CIAPIN1: variants seen among roughly 807,000 people sequenced by gnomAD.
CIAPIN1 encodes cytokine induced apoptosis inhibitor 1.
A neutral mutation model predicts 34.3 loss-of-function variants in CIAPIN1; 18 were observed. The ratio of observed to expected loss-of-function variants is 0.52; its 90% CI spans 0.36 to 0.78. The LOEUF (loss-of-function observed/expected upper bound fraction) is 0.78, where lower values mean the gene tolerates loss of function less well. CIAPIN1 is among the 30% of genes least tolerant of loss of function. The probability of loss-of-function intolerance (pLI) is 0.00; values close to 1 mark genes in which losing one functional copy is unlikely to be tolerated. For missense variants in CIAPIN1, 310 were observed against 372.5 expected (o/e 0.83, Z 1.38); for synonymous variants, 131 against 140.4 (o/e 0.93, Z 0.47).
intron 7 of CIAPIN1, chr16:57,430,614 T>C (rs1274121912): frequency 2.6e-6 from 1 of 379,336 alleles, no homozygotes; most frequent in Non-Finnish European, 4.8e-6. Context: ...GGACCCAGAT[T>C]GCCATATTTT....
chr16:57,434,336 G>T, intron 4 of CIAPIN1, 124 bp from the exon 5 acceptor site: 1 of 840,394 alleles, frequency 1.2e-6, no homozygotes. Context: ...GATGGTAACA[G>T]ATAACACTTT....
At position 57,429,171 on chromosome 16, in the gene CIAPIN1, T is replaced by C. The variant is rs1314704965; in HGVS notation, c.938A>G (p.Ter313TrpextTer34). ...GATGGGTCCCATGTCAGGAACCTCC[T>C]AGGCATCATGAAGATTGCTATCACT... ...LLSDSNLHDA[*>W] Residue 313 changes from the stop codon to tryptophan (W), a stop_lost, in exon 9 of 9, where the codon TAG becomes TGG. Transcript: ENST00000394391. 3 of 1,608,966 alleles carry C rather than the reference T, an allele frequency of 1.9e-6. No homozygotes were observed. Among genetic ancestry groups the C allele is most frequent in the Non-Finnish European group, 2.5e-6 (3 of 1,177,086 alleles).
chr16:57,439,264 A>T lies in CIAPIN1; in HGVS notation c.228T>A (p.Ser76Arg), dbSNP rs1903272601. 1 of 1,614,216 alleles carries T rather than the reference A, an allele frequency of 6.2e-7. No individual in the cohort carries two copies. The highest frequency in any genetic ancestry group is 8.5e-7 in the Non-Finnish European group (1 of 1,180,040). ...GGGCGATTTCAGCCAAAATCTCAGCACTGTGCAGAGTGGTGCTTCCTGGGA... is the reference window on the plus strand; with the variant it reads ...GGGCGATTTCAGCCAAAATCTCAGCTCTGTGCAGAGTGGTGCTTCCTGGGA... ...GLVPGSTTLH[S>R]AEILAEIARI... Residue 76 changes from serine (S) to arginine (R), a missense_variant, in exon 3 of 9, where the codon AGT becomes AGA. Physicochemically the swap from Ser to Arg is moderately radical, Grantham distance 110. Coordinates refer to ENST00000394391, the MANE Select transcript of CIAPIN1 (RefSeq NM_020313.4).
At chr16:57,440,654 A>G (rs1903309140) in intron 2 of CIAPIN1, 118 bp downstream of exon 2, 2 of 1,123,856 alleles carry the variant, frequency 1.8e-6, no homozygotes, top group Admixed American at 2.4e-5. Context: ...CAGGGTGACC[A>G]GCCACCACTA....
chr16:57,441,891 C>T (rs547095971), intron 1 of CIAPIN1, among the ~76,000 whole-genome samples: 1 of 152,266 alleles, frequency 6.6e-6, no homozygotes, highest in South Asian at 2.1e-4. Flanking sequence ...TAAAATAGCT[C>T]AAATAAATGA....
intron 5 of CIAPIN1, 104 bp from the exon 6 acceptor site, chr16:57,432,664 C>A (rs1263615618): frequency 3.8e-6 from 4 of 1,053,926 alleles, no homozygotes; most frequent in Non-Finnish European, 1.4e-6. Context: ...AACACACTGG[C>A]CTGGGAGGCA....
At chr16:57,440,319 C>T (rs1028400298) in intron 2 of CIAPIN1, among the ~76,000 whole-genome samples, 101 of 152,242 alleles carry the variant, frequency 6.6e-4, no homozygotes, top group African/African-American at 2.3e-3. Flanking sequence ...ATTTTAATTT[C>T]GCCCCAGTCC....
rs575853934 is a variant in CIAPIN1 at position 57,429,189 on chromosome 16, C to G, written c.920G>C (p.Ser307Thr). 7 of 1,612,502 alleles carry G rather than the reference C, an allele frequency of 4.3e-6. No individual in the cohort carries two copies. In the East Asian group the frequency reaches 1.3e-4, roughly 31 times the overall value. Residue 307 changes from serine to threonine, a missense_variant, in exon 9 of 9, where the codon AGC (serine) becomes ACC (threonine). Physicochemically the swap from Ser to Thr is moderately conservative, Grantham distance 58. Coordinates refer to ENST00000394391, the MANE Select transcript of CIAPIN1 (RefSeq NM_020313.4). ...KPGEKVLLSD[S>T]NLHDA ...AACCTCCTAGGCATCATGAAGATTG[C>G]TATCACTCAGAAGCACCTTTTCCCC... is the stretch of plus-strand genomic sequence containing the variant.
chr16:57,442,743 A>C (rs1390217917), intron 1 of CIAPIN1, among the ~76,000 whole-genome samples: 3 of 152,228 alleles, frequency 2.0e-5, no homozygotes, highest in African/African-American at 7.2e-5. Flanking sequence ...AGGATGTTAA[A>C]TATTTAACAC....
rs1199652429 is a variant in CIAPIN1 at position 57,439,308 on chromosome 16, T to C, written c.184A>G (p.Ile62Val). 6.2e-7 allele frequency: 1 copy of C among 1,614,118 alleles called. No individual in the cohort carries two copies. Among genetic ancestry groups the C allele is most frequent in the Non-Finnish European group, 8.5e-7 (1 of 1,180,014 alleles). ...QSAHKESSFDIILSGLVPGST... is the reference protein window; with the variant it reads ...QSAHKESSFDVILSGLVPGST... ...CCTGGGACTAAACCTGACAAAATAATGTCAAAGCTGGATTCTTTGTGGGCA... is the reference window on the plus strand; with the variant it reads ...CCTGGGACTAAACCTGACAAAATAACGTCAAAGCTGGATTCTTTGTGGGCA... The change falls in exon 3 of 9, where the codon ATT becomes GTT. Residue 62 changes from isoleucine (I) to valine (V), a missense_variant. By Grantham distance (29) the Ile-to-Val change is conservative (BLOSUM62 3). Transcript: ENST00000394391.
At position 57,430,284 on chromosome 16, in the gene CIAPIN1, A is replaced by G; in HGVS notation, c.802T>C (p.Ser268Pro). ...TTTCCACAAGCTGACTTGGGTTGGG[A>G]GCTCATCTGTTCCCTTGACTTCTCT... ...EKEKSREQMS[S>P]QPKSACGNCY... Residue 268 changes from serine (S) to proline (P), a missense_variant, in exon 8 of 9, where the codon TCC becomes CCC. Coordinates refer to ENST00000394391, the MANE Select transcript of CIAPIN1 (RefSeq NM_020313.4). The G allele has an allele frequency of 6.2e-7, 1 of 1,614,250 alleles. No individual in the cohort carries two copies. The highest frequency in any genetic ancestry group is 8.5e-7 in the Non-Finnish European group (1 of 1,180,046).
chr16:57,444,194 C>T (rs1247400281), intron 1 of CIAPIN1, among the ~76,000 whole-genome samples: 2 of 152,222 alleles, frequency 1.3e-5, no homozygotes, highest in Non-Finnish European at 1.5e-5. Context: ...CTATTTACCA[C>T]TGGATCTTAT....
chr16:57,439,426 C>T, intron 2 of CIAPIN1, 92 bp from the exon 3 acceptor site: 2 of 1,357,292 alleles, frequency 1.5e-6, no homozygotes, highest in Non-Finnish European at 2.1e-6. Flanking sequence ...CAGACCTCAC[C>T]CTGAGAGAAT....
At chr16:57,432,004 C>A (rs1451121999) in intron 6 of CIAPIN1, among the ~76,000 whole-genome samples, 1 of 152,150 alleles carries the variant, frequency 6.6e-6, no homozygotes, top group East Asian at 1.9e-4. Flanking sequence ...AAAAGAGATG[C>A]TAAAAAATTT....
intron 1 of CIAPIN1, among the ~76,000 whole-genome samples, chr16:57,442,795 T>C (rs1380057198): frequency 4.6e-5 from 7 of 152,244 alleles, no homozygotes; most frequent in African/African-American, 1.7e-4. Flanking sequence ...GTCACTCTTT[T>C]CCTAAAGGAG....
intron 1 of CIAPIN1, among the ~76,000 whole-genome samples, chr16:57,442,672 T>C (rs2029895282): frequency 1.3e-5 from 2 of 152,280 alleles, no homozygotes; most frequent in African/African-American, 4.8e-5. Flanking sequence ...TTCCAGACCC[T>C]GTCTCAAAAA....
chr16:57,429,137 G>A lies in CIAPIN1; in HGVS notation c.*33C>T. ...GGGATGTGAGGGACAGGAGTTGGCT[G>A]GAGGAGCAGATGGGTCCCATGTCAG... On this transcript the variant is annotated 3_prime_UTR_variant, in exon 9 of 9. Coordinates refer to ENST00000394391, the MANE Select transcript of CIAPIN1 (RefSeq NM_020313.4). 2.1e-6 allele frequency: 3 copies of A among 1,459,152 alleles called. No homozygotes were observed. Among genetic ancestry groups the A allele is most frequent in the Middle Eastern group, 2.4e-4 (1 of 4,174 alleles). The allele number at this position is 1,459,152 out of a possible 1,614,324, so 90.4% of individuals were successfully genotyped here.
At chr16:57,447,000 C>T (rs1454856652) in intron 1 of CIAPIN1, among the ~76,000 whole-genome samples, 1 of 152,170 alleles carries the variant, frequency 6.6e-6, no homozygotes, top group Non-Finnish European at 1.5e-5. Flanking sequence ...CTGGTAGGAC[C>T]GGGTCTCAGA....
At chr16:57,447,022 C>T (rs889866529) in intron 1 of CIAPIN1, among the ~76,000 whole-genome samples, 6 of 152,204 alleles carry the variant, frequency 3.9e-5, no homozygotes, top group African/African-American at 1.4e-4. Context: ...CCAGGTCTCC[C>T]CGATCCCAAG....
Sources: allele counts gnomAD v4.1 joint callset (sites outside exome capture counted in the v4.1 genomes callset), GRCh38; gene constraint gnomAD v4.1.1; transcripts MANE v1.5; gene names NCBI Gene and HGNC (gene_info 2026-07-23, HGNC 2026-07-21).